Variants in DUSP11 observed in about 807,000 individuals in gnomAD.
DUSP11 encodes dual specificity phosphatase 11.
A neutral mutation model predicts 41.4 loss-of-function variants in DUSP11; 27 were observed. The ratio of observed to expected loss-of-function variants is 0.65; its 90% confidence interval spans 0.48 to 0.90. DUSP11 has a LOEUF of 0.90. Ranked by LOEUF, DUSP11 falls within the 40% of genes least tolerant of loss-of-function variation. The pLI is 0.00. For synonymous variants in DUSP11, 188 were observed against 159.3 expected (o/e 1.18, Z -1.35); for missense variants, 465 against 461.1 (o/e 1.01, Z -0.08).
chr2:73,771,193 T>C (rs913537969), intron 4 of DUSP11, among the ~76,000 whole-genome samples: 1 of 152,238 alleles, frequency 6.6e-6, no homozygotes, highest in Non-Finnish European at 1.5e-5. Flanking sequence ...AAGGACTTTG[T>C]TCTATTTCCA....
At chr2:73,779,745 C>A in intron 1 of DUSP11, 129 bp downstream of exon 1, 1 of 1,435,910 alleles carries the variant, frequency 7.0e-7, no homozygotes, top group Non-Finnish European at 9.4e-7. Context: ...AGGGTCAAAG[C>A]CTCAAAGCAA....
intron 5 of DUSP11, 160 bp from the exon 6 acceptor site, chr2:73,767,367 C>T: frequency 1.8e-6 from 1 of 570,836 alleles, no homozygotes. Flanking sequence ...CATACCATGA[C>T]CACAAAAAGA....
chr2:73,779,933 T>C (rs1354367998), exon 1 of DUSP11: 1 of 1,614,166 alleles, frequency 6.2e-7, no homozygotes, highest in Admixed American at 1.7e-5. Context: ...AAAAGTCGCG[T>C]CTCCGGCCCC....
intron 4 of DUSP11, among the ~76,000 whole-genome samples, chr2:73,770,076 G>A (rs1008606836): frequency 2.6e-5 from 4 of 151,722 alleles, no homozygotes; most frequent in African/African-American, 7.3e-5. Flanking sequence ...GGTGGCTCAC[G>A]CCTGTAATCC....
chr2:73,776,250 T>C (rs1439383457), intron 2 of DUSP11, among the ~76,000 whole-genome samples: 3 of 151,198 alleles, frequency 2.0e-5, no homozygotes, highest in African/African-American at 7.3e-5. Flanking sequence ...CCATCTCTAC[T>C]AAAAACACAA....
intron 1 of DUSP11, 94 bp downstream of exon 1, chr2:73,779,780 T>TG (rs1480295204): frequency 1.2e-5 from 18 of 1,558,516 alleles, no homozygotes; most frequent in Non-Finnish European, 1.6e-5. Context: ...AAGCTTGCGA[T>TG]GGCAACGGCG....
chr2:73,767,591 TTA>T (rs2103931233), intron 5 of DUSP11: 1 of 163,602 alleles, frequency 6.1e-6, no homozygotes, highest in South Asian at 1.8e-4. Context: ...AATATTAACA[TTA>T]TATCTAAAAA....
chr2:73,772,454 G>C (rs1368479825), intron 4 of DUSP11, among the ~76,000 whole-genome samples: 1 of 152,160 alleles, frequency 6.6e-6, no homozygotes, highest in Non-Finnish European at 1.5e-5. Flanking sequence ...CACTCAGGCA[G>C]AAGACCAACA....
At chr2:73,772,497 G>C (rs533431503) in intron 4 of DUSP11, among the ~76,000 whole-genome samples, 1 of 152,276 alleles carries the variant, frequency 6.6e-6, no homozygotes, top group African/African-American at 2.4e-5. Context: ...ACTACAATCA[G>C]TATAACGTGA....
At chr2:73,769,573 C>T (rs764176029) in intron 4 of DUSP11, among the ~76,000 whole-genome samples, 11 of 152,110 alleles carry the variant, frequency 7.2e-5, no homozygotes, top group African/African-American at 1.9e-4. Context: ...GAGACAAACC[C>T]GTCTATCTTA....
Position 73,766,417 on chromosome 2 carries a change from C to T in DUSP11, c.935+1G>A. ...AGAAAAGGGAAAACAGAGAGAGGTACCTGACTGATTGTTGCAAACTTTGGG... is the reference window on the plus strand; with the variant it reads ...AGAAAAGGGAAAACAGAGAGAGGTATCTGACTGATTGTTGCAAACTTTGGG... On this transcript the variant is annotated splice_donor_variant, in intron 8 of 8. Transcript: ENST00000272444. LOFTEE classifies it high-confidence loss of function. 4.4e-6 allele frequency: 7 copies of T among 1,608,244 alleles called. No homozygotes were observed. Among genetic ancestry groups the T allele is most frequent in the Non-Finnish European group, 5.9e-6 (7 of 1,177,946 alleles).
At chr2:73,766,369 G>T in intron 8 of DUSP11, 49 bp downstream of exon 8, 1 of 1,461,154 alleles carries the variant, frequency 6.8e-7, no homozygotes, top group Non-Finnish European at 9.3e-7. Context: ...ATTAACTATA[G>T]TATTAATTTC....
At chr2:73,777,021 C>T (rs182348071) in intron 2 of DUSP11, among the ~76,000 whole-genome samples, 97 of 152,294 alleles carry the variant, frequency 6.4e-4, no homozygotes, top group African/African-American at 2.3e-3. Flanking sequence ...TGCTCTGTTG[C>T]CCAGGCTGGA....
intron 5 of DUSP11, chr2:73,768,739 A>G (rs567444912): frequency 5.2e-5 from 40 of 764,624 alleles, no homozygotes; most frequent in Non-Finnish European, 6.0e-5. Flanking sequence ...GGTGGATCAC[A>G]AGGTCAGGAG....
chr2:73,770,004 T>C (rs1448674786), intron 4 of DUSP11, among the ~76,000 whole-genome samples: 1 of 152,184 alleles, frequency 6.6e-6, no homozygotes, highest in Non-Finnish European at 1.5e-5. Flanking sequence ...AGTTTATCTT[T>C]GCAAAATCTG....
chr2:73,768,644 C>T (rs928432868), intron 5 of DUSP11: 4 of 985,284 alleles, frequency 4.1e-6, no homozygotes, highest in Non-Finnish European at 4.8e-6. Flanking sequence ...GTGCAAAGAA[C>T]AACGCAGGCC....
At chr2:73,775,148 G>GA (rs1340726977) in intron 2 of DUSP11, 104 bp from the exon 3 acceptor site, 10 of 1,006,136 alleles carry the variant, frequency 9.9e-6, no homozygotes, top group Admixed American at 8.2e-5. Context: ...AGATTCAAAG[G>GA]AAAGTTTCCA....
At chr2:73,775,809 A>C (rs1293605170) in intron 2 of DUSP11, among the ~76,000 whole-genome samples, 1 of 142,690 alleles carries the variant, frequency 7.0e-6, no homozygotes, top group African/African-American at 2.6e-5. Context: ...AGCCGAGATC[A>C]CACCACTGCA....
exon 8 of DUSP11, chr2:73,766,428 G>T: frequency 4.3e-6 from 7 of 1,610,594 alleles, no homozygotes; most frequent in Non-Finnish European, 5.9e-6. Context: ...CTGACTGATT[G>T]TTGCAAACTT....
Sources: gnomAD v4.1 joint callset for allele counts (sites outside exome capture counted in the v4.1 genomes callset) on GRCh38, gnomAD v4.1.1 for gene constraint, MANE v1.5 for transcripts, NCBI Gene and HGNC (gene_info 2026-07-23, HGNC 2026-07-21) for gene names.